The following MED27 variants were observed in gnomAD, a reference collection of about 807,000 sequenced individuals.
MED27 encodes the protein mediator of RNA polymerase II transcription subunit 27.
A neutral mutation model predicts 38.2 loss-of-function variants in MED27; 30 were observed. That is an observed-to-expected ratio of 0.79 (90% confidence interval 0.59 to 1.07). The LOEUF is 1.07. MED27 is among the 50% of genes least tolerant of loss of function. MED27 has a pLI of 0.00. For synonymous variants in MED27, 122 were observed against 153.5 expected, an observed-to-expected ratio of 0.79 and a Z score of 1.52; for missense variants, 289 against 397.5, an observed-to-expected ratio of 0.73 and a Z score of 2.32.
chr9:132,016,885 G>A (rs752360065), intron 2 of MED27, among the ~76,000 whole-genome samples: 3 of 152,122 alleles, frequency 2.0e-5, no homozygotes, highest in Admixed American at 6.5e-5. Context: ...AGAAATGTAC[G>A]CTAACTGCTA....
intron 2 of MED27, among the ~76,000 whole-genome samples, chr9:132,053,928 G>A (rs556187482): frequency 9.5e-4 from 144 of 151,488 alleles, no homozygotes; most frequent in African/African-American, 3.4e-3. Context: ...TATATAATAT[G>A]CAAATTATAA....
At chr9:131,989,095 G>C (rs1831916149) in intron 3 of MED27, among the ~76,000 whole-genome samples, 1 of 152,044 alleles carries the variant, frequency 6.6e-6, no homozygotes, top group African/African-American at 2.4e-5. Context: ...AGAGAGAAAT[G>C]GTGCTAGATT....
intron 2 of MED27, among the ~76,000 whole-genome samples, chr9:132,071,155 A>G (rs1220814705): frequency 6.6e-6 from 1 of 152,198 alleles, no homozygotes; most frequent in Non-Finnish European, 1.5e-5. Flanking sequence ...AGGTGGGTAC[A>G]ATTATCATTC....
chr9:132,067,724 T>C (rs1307678773), intron 2 of MED27, among the ~76,000 whole-genome samples: 3 of 152,112 alleles, frequency 2.0e-5, no homozygotes, highest in Non-Finnish European at 4.4e-5. Flanking sequence ...TTGTTGTTGT[T>C]GTTTTGAGAC....
At chr9:132,077,976 G>C (rs549972536) in intron 1 of MED27, among the ~76,000 whole-genome samples, 97 of 152,066 alleles carry the variant, frequency 6.4e-4, no homozygotes, top group Admixed American at 2.7e-3. Flanking sequence ...CATTACACTT[G>C]GCAGAACAGC....
chr9:132,048,434 GA>G (rs1833387773), intron 2 of MED27, among the ~76,000 whole-genome samples: 1 of 152,086 alleles, frequency 6.6e-6, no homozygotes, highest in African/African-American at 2.4e-5. Context: ...CCTTATTAGG[GA>G]AAAAATTAAT....
chr9:132,039,524 C>T (rs1289128279), intron 2 of MED27, among the ~76,000 whole-genome samples: 1 of 152,208 alleles, frequency 6.6e-6, no homozygotes, highest in Non-Finnish European at 1.5e-5. Flanking sequence ...GTACTGACTC[C>T]ATCCCGAGGT....
chr9:131,869,389 G>A (rs1838790156), intron 6 of MED27: 1 of 966,176 alleles, frequency 1.0e-6, no homozygotes, highest in South Asian at 4.9e-5. Flanking sequence ...ACAGGCCTGG[G>A]GCAAAAAAAA....
At chr9:131,942,483 T>C (rs1830807077) in intron 3 of MED27, among the ~76,000 whole-genome samples, 2 of 152,212 alleles carry the variant, frequency 1.3e-5, no homozygotes, top group African/African-American at 4.8e-5. Context: ...TCCACTGTCC[T>C]GTGTGAATGG....
intron 6 of MED27, chr9:131,868,918 C>T (rs902624046): frequency 2.0e-6 from 2 of 985,368 alleles, no homozygotes; most frequent in Non-Finnish European, 2.4e-6. Context: ...AAAGTGTCCT[C>T]TTCAGAGGCG....
chr9:132,001,373 T>G (rs759854717), intron 3 of MED27, among the ~76,000 whole-genome samples: 2 of 152,048 alleles, frequency 1.3e-5, no homozygotes, highest in Non-Finnish European at 2.9e-5. Flanking sequence ...TAGCCTCAAA[T>G]AAACCTGAAA....
At chr9:131,890,380 C>A (rs528081436) in intron 5 of MED27, among the ~76,000 whole-genome samples, 32 of 152,308 alleles carry the variant, frequency 2.1e-4, no homozygotes, top group South Asian at 1.4e-3. Flanking sequence ...TCCTGTCCAA[C>A]CACATTTCTG....
chr9:131,861,092 C>T lies in MED27; in HGVS notation c.802-420G>A, dbSNP rs1299813030. On this transcript the variant is annotated intron_variant, in intron 7 of 7. Transcript: ENST00000292035. The surrounding 1 kb of genome is among the most constrained non-coding windows in gnomAD (Gnocchi z 4.4). ...ATGTGTGCTGAGGAAGCCTTGGAAC[C>T]GAGGACAATTCCAGAGTTCTCCGCG... is the stretch of plus-strand genomic sequence containing the variant. 6.6e-6 allele frequency among the ~76,000 whole-genome samples: 1 copy of T among 152,028 alleles called. No homozygotes were observed. Among genetic ancestry groups the T allele is most frequent in the South Asian group, 2.1e-4 (1 of 4,802 alleles).
intron 2 of MED27, among the ~76,000 whole-genome samples, chr9:132,048,793 T>C (rs1016331101): frequency 5.9e-5 from 9 of 152,170 alleles, no homozygotes; most frequent in Admixed American, 3.3e-4. Context: ...TGCTGGGGTG[T>C]CATGCCATTC....
chr9:132,071,672 G>C (rs1011962578), intron 2 of MED27, among the ~76,000 whole-genome samples: 1 of 151,406 alleles, frequency 6.6e-6, no homozygotes, highest in Non-Finnish European at 1.5e-5. Context: ...CGTGCCCCAT[G>C]AATGAGCACA....
At chr9:131,937,167 G>A (rs1400238942) in intron 4 of MED27, among the ~76,000 whole-genome samples, 1 of 152,174 alleles carries the variant, frequency 6.6e-6, no homozygotes, top group Non-Finnish European at 1.5e-5. Context: ...TGGTAGCAGT[G>A]AATAGCCTAG....
intron 4 of MED27, among the ~76,000 whole-genome samples, chr9:131,928,499 C>T (rs1830522367): frequency 6.6e-6 from 1 of 152,202 alleles, no homozygotes; most frequent in Non-Finnish European, 1.5e-5. Context: ...TGACACCACT[C>T]CTCCTCCTTC....
At chr9:131,875,243 G>A (rs1032291482) in intron 6 of MED27, among the ~76,000 whole-genome samples, 3 of 152,038 alleles carry the variant, frequency 2.0e-5, no homozygotes, top group African/African-American at 7.3e-5. Flanking sequence ...ACTGCTGCGC[G>A]GCTGTAACTG....
Position 131,997,771 on chromosome 9 carries a change from G to A in MED27, c.479+16566C>T, listed in dbSNP as rs1179275295. 6.6e-6 allele frequency among the ~76,000 whole-genome samples: 1 copy of A among 152,174 alleles called. No individual in the cohort carries two copies. Among genetic ancestry groups the A allele is most frequent in the African/African-American group, 2.4e-5 (1 of 41,430 alleles). On this transcript the variant is annotated intron_variant, in intron 3 of 7. Coordinates refer to ENST00000292035, the MANE Select transcript of MED27 (RefSeq NM_004269.4). This position sits in a 1 kb window ranked among gnomAD's most constrained non-coding sequence, Gnocchi z 4.0. ...GGCCTCCAGACAAGGTGGGAGCTTC[G>A]GTGTTGGCCTCTGTAAAGCTGAGGC...
Sources: allele counts gnomAD v4.1 joint callset (sites outside exome capture counted in the v4.1 genomes callset), GRCh38; gene constraint gnomAD v4.1.1; non-coding constraint Gnocchi (gnomAD v3.1); transcripts MANE v1.5; gene names NCBI Gene and HGNC (gene_info 2026-07-23, HGNC 2026-07-21).